The following EPHA6 variants were observed in gnomAD, a reference collection of about 807,000 sequenced individuals.
EPHA6 encodes EPH receptor A6.
EPHA6 carries 50 observed loss-of-function variants against 112.0 expected under a neutral mutation model. That is an observed-to-expected ratio of 0.45 (90% CI 0.36 to 0.56). The LOEUF (loss-of-function observed/expected upper bound fraction) is 0.56, where lower values mean the gene tolerates loss of function less well. Ranked by LOEUF, EPHA6 falls within the 20% of genes least tolerant of loss-of-function variation. EPHA6 has a pLI of 0.00. For synonymous variants in EPHA6, 529 were observed against 490.7 expected, an observed-to-expected ratio of 1.08 and a Z score of -1.03; for missense variants, 1,280 against 1,417.4, an observed-to-expected ratio of 0.90 and a Z score of 1.56.
chr3:97,011,406 T>C (rs776034302), intron 3 of EPHA6, among the ~76,000 whole-genome samples: 1 of 152,174 alleles, frequency 6.6e-6, no homozygotes, highest in Non-Finnish European at 1.5e-5. Flanking sequence ...CATGCCTGGA[T>C]TGTTGTAAGA....
At chr3:97,123,815 C>T (rs2048108811) in intron 3 of EPHA6, among the ~76,000 whole-genome samples, 2 of 152,028 alleles carry the variant, frequency 1.3e-5, no homozygotes, top group Non-Finnish European at 2.9e-5. Flanking sequence ...TAGTGATGTA[C>T]TTCTGCCATA....
chr3:97,210,720 A>T (rs1369254249), intron 3 of EPHA6, among the ~76,000 whole-genome samples: 1 of 152,008 alleles, frequency 6.6e-6, no homozygotes, highest in Admixed American at 6.6e-5. Context: ...AGTGCTACAT[A>T]AAAAAACACC....
rs150019205 is a variant in EPHA6 at position 97,093,138 on chromosome 3, G to A, written c.1114+105145G>A. Reference sequence around the variant, plus strand: ...TGGGAGCTGAGAAATATAATCCTTGGTTATACAGCTACTTCCTTGCTGTAA... The same window carrying A: ...TGGGAGCTGAGAAATATAATCCTTGATTATACAGCTACTTCCTTGCTGTAA... On this transcript the variant is annotated intron_variant, in intron 3 of 17. Coordinates refer to ENST00000389672, the MANE Select transcript of EPHA6 (RefSeq NM_001080448.3). Among the ~76,000 whole-genome samples the A allele has an allele frequency of 2.0e-5, 3 of 152,226 alleles. No individual in the cohort carries two copies. In the East Asian group the frequency reaches 5.8e-4, roughly 29 times the overall value.
chr3:97,585,202 G>A (rs1401264327), intron 11 of EPHA6, among the ~76,000 whole-genome samples: 2 of 152,154 alleles, frequency 1.3e-5, no homozygotes, highest in African/African-American at 4.8e-5. Flanking sequence ...GGAAACTTAG[G>A]AAAGTTACAG....
intron 5 of EPHA6, among the ~76,000 whole-genome samples, chr3:97,365,417 A>G (rs996321213): frequency 6.6e-6 from 1 of 150,972 alleles, no homozygotes; most frequent in Non-Finnish European, 1.5e-5. Context: ...TTGAGATGGG[A>G]GTCTCACTCT....
intron 12 of EPHA6, among the ~76,000 whole-genome samples, chr3:97,596,808 A>G (rs2093595742): frequency 8.9e-6 from 1 of 111,950 alleles, no homozygotes; most frequent in Non-Finnish European, 1.8e-5. Flanking sequence ...ATATATATAT[A>G]TGGGTTATGT....
intron 1 of EPHA6, among the ~76,000 whole-genome samples, chr3:96,866,084 G>A (rs2107452180): frequency 6.6e-6 from 1 of 152,094 alleles, no homozygotes; most frequent in African/African-American, 2.4e-5. Context: ...TCCTAGACCA[G>A]TTCAAATTGG....
chr3:97,039,879 G>A (rs552443910), intron 3 of EPHA6, among the ~76,000 whole-genome samples: 4 of 151,786 alleles, frequency 2.6e-5, no homozygotes, highest in Non-Finnish European at 4.4e-5. Context: ...GCCAGCCCTC[G>A]TAACCTTTAT....
At chr3:97,046,147 C>T (rs572148529) in intron 3 of EPHA6, among the ~76,000 whole-genome samples, 30 of 152,146 alleles carry the variant, frequency 2.0e-4, no homozygotes, top group African/African-American at 6.7e-4. Flanking sequence ...CAAATCAAAC[C>T]ATTTTTATAT....
intron 12 of EPHA6, among the ~76,000 whole-genome samples, chr3:97,604,264 T>C (rs2107426284): frequency 6.6e-6 from 1 of 151,810 alleles, no homozygotes; most frequent in South Asian, 2.1e-4. Context: ...ACATCTCCAA[T>C]ATCAGGCTAT....
At chr3:97,386,363 A>C (rs146195423) in intron 5 of EPHA6, among the ~76,000 whole-genome samples, 91 of 152,352 alleles carry the variant, frequency 6.0e-4, no homozygotes, top group Middle Eastern at 3.4e-3. Context: ...GGGTACAGAC[A>C]TCGGGTAAAT....
In EPHA6 at chr3:96,842,680, G is replaced by A. The variant is rs2034821187; in HGVS notation, c.386-24145G>A. ...TTTAAGGGTTAATTACACTTTAACT[G>A]GTTTTAATTTCTTCCCTTAAGAACT... On this transcript the variant is annotated intron_variant, in intron 1 of 17. Coordinates refer to ENST00000389672, the MANE Select transcript of EPHA6 (RefSeq NM_001080448.3). 2.0e-5 allele frequency among the ~76,000 whole-genome samples: 3 copies of A among 151,960 alleles called. No individual in the cohort carries two copies. The South Asian group carries it at 6.2e-4, about 32-fold the overall frequency.
At chr3:97,125,176 C>T (rs1230388737) in intron 3 of EPHA6, among the ~76,000 whole-genome samples, 1 of 151,536 alleles carries the variant, frequency 6.6e-6, no homozygotes, top group African/African-American at 2.4e-5. Flanking sequence ...TTAGGAAATG[C>T]CACCAGAAGG....
rs771678119 is a variant in EPHA6, at chr3:96,829,982, C to CACACACACAT, written c.385+14981_385+14982insCATACACACA. 9.4e-3 allele frequency among the ~76,000 whole-genome samples: 1,391 copies of CACACACACAT among 148,230 alleles called. 13 individuals carry two copies. Among genetic ancestry groups the CACACACACAT allele is most frequent in the African/African-American group, 0.021 (831 of 40,218 alleles). On this transcript the variant is annotated intron_variant, in intron 1 of 17. Coordinates refer to ENST00000389672, the MANE Select transcript of EPHA6 (RefSeq NM_001080448.3). ...ACACACACACACACACACACACACACACACACAGAAATGGTATGCTATTTG... is the reference window on the plus strand; with the variant it reads ...ACACACACACACACACACACACACACACACACACATACACACAGAAATGGTATGCTATTTG...
chr3:97,198,175 T>C (rs2077488667), intron 3 of EPHA6, among the ~76,000 whole-genome samples: 2 of 152,148 alleles, frequency 1.3e-5, no homozygotes, highest in African/African-American at 4.8e-5. Flanking sequence ...TGTTTTCTTG[T>C]GTGAGTAGTT....
At chr3:97,666,028 G>T (rs527447644) in intron 14 of EPHA6, among the ~76,000 whole-genome samples, 3 of 143,294 alleles carry the variant, frequency 2.1e-5, no homozygotes, top group African/African-American at 3.0e-5. Context: ...TTACACTCCA[G>T]CTGGGGAGAC....
intron 14 of EPHA6, among the ~76,000 whole-genome samples, chr3:97,718,172 C>T (rs2034336060): frequency 6.6e-6 from 1 of 152,216 alleles, no homozygotes; most frequent in Non-Finnish European, 1.5e-5. Flanking sequence ...CTGAATCTTA[C>T]TTAAATAGCT....
chr3:97,282,095 G>A (rs543880173), intron 5 of EPHA6, among the ~76,000 whole-genome samples: 2 of 152,212 alleles, frequency 1.3e-5, no homozygotes, highest in East Asian at 1.9e-4. Flanking sequence ...TGAACACATT[G>A]CCCTTTAAAA....
chr3:97,458,179 G>A (rs1248389627), intron 7 of EPHA6, among the ~76,000 whole-genome samples: 1 of 148,572 alleles, frequency 6.7e-6, no homozygotes, highest in African/African-American at 2.5e-5. Context: ...AAGAATTCTT[G>A]GCAAAATTGC....
Sources: allele counts gnomAD v4.1 joint callset (sites outside exome capture counted in the v4.1 genomes callset), GRCh38; gene constraint gnomAD v4.1.1; transcripts MANE v1.5; gene names NCBI Gene and HGNC (gene_info 2026-07-23, HGNC 2026-07-21).